CPT1A: variants seen among roughly 807,000 people sequenced by gnomAD.
CPT1A encodes carnitine O-palmitoyltransferase 1, liver isoform.
Under a neutral mutation model 100.8 loss-of-function variants are expected in CPT1A, and 64 were observed. The ratio of observed to expected loss-of-function variants is 0.63; its 90% CI spans 0.52 to 0.78. CPT1A has a LOEUF of 0.78. Among genes scored for constraint, CPT1A ranks in the 30% least tolerant of loss-of-function variants. CPT1A has a pLI of 0.00. For synonymous variants in CPT1A, 363 were observed against 396.0 expected (o/e 0.92, Z 0.99); for missense variants, 802 against 1,034.1 (o/e 0.78, Z 3.08).
At chr11:68,789,971 G>A (rs189996891) in intron 9 of CPT1A, among the ~76,000 whole-genome samples, 15 of 152,244 alleles carry the variant, frequency 9.9e-5, no homozygotes, top group East Asian at 1.9e-4. Flanking sequence ...GGATTTTTCC[G>A]TTGTTGTAAT....
At chr11:68,840,890 CG>C (rs1228799970) in intron 1 of CPT1A, among the ~76,000 whole-genome samples, 1 of 152,194 alleles carries the variant, frequency 6.6e-6, no homozygotes, top group East Asian at 1.9e-4. Flanking sequence ...CACCCTCCCG[CG>C]GCCCCGCCGC....
At chr11:68,802,596 T>C (rs1251955053) in intron 5 of CPT1A, among the ~76,000 whole-genome samples, 1 of 150,256 alleles carries the variant, frequency 6.7e-6, no homozygotes, top group East Asian at 1.9e-4. Context: ...TAGCCAGGCG[T>C]GGTGGCAGGG....
At chr11:68,774,223 G>T (rs1309162697) in intron 13 of CPT1A, among the ~76,000 whole-genome samples, 1 of 152,030 alleles carries the variant, frequency 6.6e-6, no homozygotes, top group Admixed American at 6.5e-5. Flanking sequence ...GGTCTCTCCT[G>T]CCTTCTGCCC....
chr11:68,819,401 C>A (rs1242377288), intron 1 of CPT1A, among the ~76,000 whole-genome samples: 1 of 152,284 alleles, frequency 6.6e-6, no homozygotes, highest in African/African-American at 2.4e-5. Flanking sequence ...TCTTAGCCCC[C>A]TTCCCCATCA....
At chr11:68,842,020 G>A (rs1280567015), upstream of CPT1A, 1 of 963,740 alleles carries the variant, frequency 1.0e-6, no homozygotes, top group African/African-American at 1.8e-5. Flanking sequence ...GGGCTAGGAG[G>A]GGAGGGAAAC....
chr11:68,829,326 G>C (rs1014519031), intron 1 of CPT1A, among the ~76,000 whole-genome samples: 1 of 152,146 alleles, frequency 6.6e-6, no homozygotes, highest in Non-Finnish European at 1.5e-5. Context: ...CCCAGGGGCC[G>C]GCCTATCTGC....
At chr11:68,776,715 C>T (rs1355975253) in intron 12 of CPT1A, among the ~76,000 whole-genome samples, 1 of 152,070 alleles carries the variant, frequency 6.6e-6, no homozygotes, top group Non-Finnish European at 1.5e-5. Flanking sequence ...CCCGCCTCTA[C>T]CAAAAATACA....
chr11:68,825,796 C>T (rs1856711248), intron 1 of CPT1A, among the ~76,000 whole-genome samples: 1 of 152,188 alleles, frequency 6.6e-6, no homozygotes, highest in Non-Finnish European at 1.5e-5. Context: ...GAAGAGGGCA[C>T]ACCTGCTCCC....
intron 4 of CPT1A, among the ~76,000 whole-genome samples, chr11:68,804,757 G>A (rs968217456): frequency 7.9e-5 from 12 of 152,192 alleles, no homozygotes; most frequent in Non-Finnish European, 1.0e-4. Context: ...CCTTAGTTTC[G>A]GGATGGGCTC....
chr11:68,832,137 T>C (rs915214544), intron 1 of CPT1A, among the ~76,000 whole-genome samples: 4 of 152,042 alleles, frequency 2.6e-5, no homozygotes, highest in African/African-American at 4.8e-5. Flanking sequence ...AGCCAGCAAA[T>C]AGCAGGGCTG....
chr11:68,825,292 C>CTCAA (rs1186089692), intron 1 of CPT1A, among the ~76,000 whole-genome samples: 1 of 152,116 alleles, frequency 6.6e-6, no homozygotes, highest in African/African-American at 2.4e-5. Flanking sequence ...TCATCTGCTG[C>CTCAA]AATTGGAGCT....
rs1390087858 is a variant in CPT1A, at chr11:68,841,824, C to G, written c.-63G>C. The stretch of plus-strand genomic sequence containing the variant: ...GCGGCAGCGGCAGCGGCGGCGGCGG[C>G]GGCGGCGGTGGAGTGAACGAGCGGC... On this transcript the variant is annotated 5_prime_UTR_variant, in exon 1 of 19. Coordinates refer to ENST00000265641, the MANE Select transcript of CPT1A (RefSeq NM_001876.4). The surrounding 1 kb of genome is among the most constrained non-coding windows in gnomAD (Gnocchi z 6.3). 4.7e-5 allele frequency: 47 copies of G among 998,402 alleles called. No homozygotes were observed. Among genetic ancestry groups the G allele is most frequent in the Non-Finnish European group, 5.4e-5 (45 of 840,902 alleles). The allele number at this position is 998,402 out of a possible 1,614,324, so 61.8% of individuals were successfully genotyped here. A position where few individuals can be genotyped will look rare whatever the true frequency, so the allele number is the denominator to read the frequency against.
intron 9 of CPT1A, among the ~76,000 whole-genome samples, chr11:68,787,704 G>A (rs1036864660): frequency 1.3e-5 from 2 of 152,052 alleles, no homozygotes; most frequent in Admixed American, 6.6e-5. Context: ...CACTTTGGGA[G>A]GCCGAGGTGG....
intron 1 of CPT1A, among the ~76,000 whole-genome samples, chr11:68,840,128 G>A (rs1477943796): frequency 6.6e-6 from 1 of 152,202 alleles, no homozygotes; most frequent in Non-Finnish European, 1.5e-5. Context: ...TGGTATTGAG[G>A]CAAAACCAAT....
intron 12 of CPT1A, among the ~76,000 whole-genome samples, chr11:68,779,428 A>G (rs955205338): frequency 2.0e-5 from 3 of 148,198 alleles, no homozygotes; most frequent in African/African-American, 7.4e-5. Context: ...AGGAAACAAA[A>G]CTTTCATTTA....
chr11:68,785,776 T>C (rs1855446309), intron 9 of CPT1A: 1 of 536,654 alleles, frequency 1.9e-6, no homozygotes, highest in Admixed American at 3.4e-5. Context: ...TTAATGACAA[T>C]AGGGCAACTT....
intron 1 of CPT1A, among the ~76,000 whole-genome samples, chr11:68,826,436 C>T (rs186386899): frequency 5.6e-5 from 8 of 143,332 alleles, no homozygotes; most frequent in East Asian, 4.1e-4. Context: ...AGTGAGACTC[C>T]GTCTCAAAAA....
intron 10 of CPT1A, among the ~76,000 whole-genome samples, chr11:68,783,444 C>T (rs975862744): frequency 6.6e-6 from 1 of 152,172 alleles, no homozygotes; most frequent in Non-Finnish European, 1.5e-5. Context: ...GGCTCCACCC[C>T]CTGGACACCC....
At chr11:68,839,584 C>A (rs966404557) in intron 1 of CPT1A, 3 of 985,508 alleles carry the variant, frequency 3.0e-6, no homozygotes, top group Non-Finnish European at 3.6e-6. Flanking sequence ...CTGCGGTGCC[C>A]AGCTGTGGGG....
Sources: allele counts gnomAD v4.1 joint callset (sites outside exome capture counted in the v4.1 genomes callset), GRCh38; gene constraint gnomAD v4.1.1; non-coding constraint Gnocchi (gnomAD v3.1); transcripts MANE v1.5; gene names NCBI Gene and HGNC (gene_info 2026-07-23, HGNC 2026-07-21).